SGCZ: variants seen among roughly 807,000 people sequenced by gnomAD.
SGCZ encodes the protein zeta-sarcoglycan.
SGCZ carries 40 observed loss-of-function variants against 41.3 expected under a neutral mutation model. That is an observed-to-expected ratio of 0.97 (90% CI 0.75 to 1.26). SGCZ has a LOEUF of 1.26. Ranked by LOEUF, SGCZ falls within the 50% of genes most tolerant of loss-of-function variation. SGCZ has a pLI of 0.00. For missense variants in SGCZ, 552 were observed against 369.8 expected (o/e 1.49, Z -4.04); for synonymous variants, 206 against 137.5 (o/e 1.50, Z -3.49).
At chr8:14,587,440 G>C (rs1805096294) in intron 1 of SGCZ, among the ~76,000 whole-genome samples, 1 of 151,638 alleles carries the variant, frequency 6.6e-6, no homozygotes, top group Admixed American at 6.6e-5. Context: ...GGGAGACGAA[G>C]GCAGGAATAT....
chr8:14,358,977 C>T (rs1266411524), intron 2 of SGCZ, among the ~76,000 whole-genome samples: 1 of 152,040 alleles, frequency 6.6e-6, no homozygotes, highest in Non-Finnish European at 1.5e-5. Context: ...TGGACCTGCT[C>T]TTTTGTTTTT....
chr8:14,353,501 T>C (rs1490801787), intron 2 of SGCZ, among the ~76,000 whole-genome samples: 1 of 152,104 alleles, frequency 6.6e-6, no homozygotes, highest in Non-Finnish European at 1.5e-5. Flanking sequence ...ATATTTCCAA[T>C]TTAAGGTGTC....
chr8:14,426,965 G>A (rs1449167414), intron 2 of SGCZ, among the ~76,000 whole-genome samples: 1 of 152,008 alleles, frequency 6.6e-6, no homozygotes, highest in Non-Finnish European at 1.5e-5. Flanking sequence ...TCACTTAAAA[G>A]CTGATTCTTT....
chr8:15,106,543 T>C (rs1806831386), intron 1 of SGCZ, among the ~76,000 whole-genome samples: 1 of 151,816 alleles, frequency 6.6e-6, no homozygotes, highest in Non-Finnish European at 1.5e-5. Flanking sequence ...CCATCCATTA[T>C]ACTTTACATC....
intron 1 of SGCZ, among the ~76,000 whole-genome samples, chr8:14,617,065 A>T (rs1806129364): frequency 6.6e-6 from 1 of 152,150 alleles, no homozygotes; most frequent in Admixed American, 6.5e-5. Flanking sequence ...CTTAATATAA[A>T]ACACAATACT....
intron 1 of SGCZ, among the ~76,000 whole-genome samples, chr8:14,567,135 C>T (rs889896327): frequency 2.0e-5 from 3 of 152,236 alleles, no homozygotes; most frequent in Non-Finnish European, 4.4e-5. Context: ...TCCCCATGGG[C>T]TCTGGTGGCG....
chr8:14,366,524 TATC>T (rs1314253995), intron 2 of SGCZ, among the ~76,000 whole-genome samples: 1 of 152,068 alleles, frequency 6.6e-6, no homozygotes, highest in African/African-American at 2.4e-5. Flanking sequence ...AGTATAACCA[TATC>T]ATTCCACCCC....
At chr8:15,001,863 T>A (rs1163020420) in intron 1 of SGCZ, among the ~76,000 whole-genome samples, 1 of 151,966 alleles carries the variant, frequency 6.6e-6, no homozygotes, top group Non-Finnish European at 1.5e-5. Context: ...CCCAGAGAAG[T>A]GAAAAGCTTG....
Position 14,464,930 on chromosome 8 carries a change from G to T in SGCZ, c.234+89802C>A, listed in dbSNP as rs542648349. On this transcript the variant is annotated intron_variant, in intron 2 of 7. Coordinates refer to ENST00000382080, the MANE Select transcript of SGCZ (RefSeq NM_139167.4). ...TTGATTCCTAATTTAATGCCATTGTGGTTGGATAACACACTTTTTATGGTA... is the reference window on the plus strand; with the variant it reads ...TTGATTCCTAATTTAATGCCATTGTTGTTGGATAACACACTTTTTATGGTA... Among the ~76,000 whole-genome samples, 4 of 151,520 alleles carry T rather than the reference G, an allele frequency of 2.6e-5. No individual in the cohort carries two copies. In the East Asian group the frequency reaches 7.8e-4, roughly 29 times the overall value.
At chr8:15,207,687 C>T (rs887165465) in intron 1 of SGCZ, among the ~76,000 whole-genome samples, 1 of 151,980 alleles carries the variant, frequency 6.6e-6, no homozygotes, top group Non-Finnish European at 1.5e-5. Flanking sequence ...CAGATGCTTT[C>T]CCCATTACTC....
chr8:14,608,865 G>C (rs1444916769), intron 1 of SGCZ, among the ~76,000 whole-genome samples: 1 of 151,840 alleles, frequency 6.6e-6, no homozygotes, highest in Non-Finnish European at 1.5e-5. Flanking sequence ...ACAAAAAAAA[G>C]GTCCAACTTT....
intron 1 of SGCZ, among the ~76,000 whole-genome samples, chr8:15,180,200 C>T (rs1800126580): frequency 6.6e-6 from 1 of 152,170 alleles, no homozygotes; most frequent in African/African-American, 2.4e-5. Context: ...GATGTCACTA[C>T]AAACAGGGAA....
intron 5 of SGCZ, among the ~76,000 whole-genome samples, chr8:14,123,993 C>G (rs1291362292): frequency 6.6e-6 from 1 of 151,912 alleles, no homozygotes; most frequent in Non-Finnish European, 1.5e-5. Context: ...GAGGAAGGGC[C>G]AAGAGCTAGA....
rs1799569240 is a variant in SGCZ at position 14,753,705 on chromosome 8, CT to C, written c.40-198780del. Among the ~76,000 whole-genome samples the C allele has an allele frequency of 9.2e-5, 14 of 152,232 alleles. No homozygotes were observed. In the South Asian group the frequency reaches 2.9e-3, roughly 32 times the overall value. On this transcript the variant is annotated intron_variant, in intron 1 of 7. Transcript: ENST00000382080. ...GTTGTACAATTTTAGTGACTTTCTT[CT>C]CATGATACAAAGTGGCAAAGTATAA...
chr8:14,997,172 T>G (rs2130904825), intron 1 of SGCZ, among the ~76,000 whole-genome samples: 1 of 152,358 alleles, frequency 6.6e-6, no homozygotes, highest in South Asian at 2.1e-4. Context: ...CACATATCTG[T>G]CCCGTATCTA....
intron 1 of SGCZ, among the ~76,000 whole-genome samples, chr8:15,075,019 A>G (rs1442639972): frequency 6.6e-6 from 1 of 152,116 alleles, no homozygotes; most frequent in Non-Finnish European, 1.5e-5. Context: ...ACCTAACCCA[A>G]AAGCTTGTCA....
At chr8:14,652,788 C>T (rs1807446806) in intron 1 of SGCZ, among the ~76,000 whole-genome samples, 1 of 151,948 alleles carries the variant, frequency 6.6e-6, no homozygotes, top group African/African-American at 2.4e-5. Flanking sequence ...ATAGAAGTTC[C>T]CTGTTTAAAT....
intron 1 of SGCZ, among the ~76,000 whole-genome samples, chr8:14,894,254 A>C (rs1335484272): frequency 6.6e-6 from 1 of 152,142 alleles, no homozygotes; most frequent in Non-Finnish European, 1.5e-5. Flanking sequence ...TTTCCGAATT[A>C]AGTTAAGCAA....
intron 3 of SGCZ, among the ~76,000 whole-genome samples, chr8:14,259,126 A>G (rs1047886606): frequency 3.3e-5 from 5 of 152,210 alleles, no homozygotes; most frequent in African/African-American, 1.2e-4. Context: ...GATTTGTAAT[A>G]CTATATTTTG....
Sources: gnomAD v4.1 joint callset for allele counts (sites outside exome capture counted in the v4.1 genomes callset) on GRCh38, gnomAD v4.1.1 for gene constraint, MANE v1.5 for transcripts, NCBI Gene and HGNC (gene_info 2026-07-23, HGNC 2026-07-21) for gene names.